CEMIP: variants seen among roughly 807,000 people sequenced by gnomAD.
The protein encoded by CEMIP is cell migration inducing hyaluronidase 1, also known as cell migration-inducing and hyaluronan-binding protein.
In CEMIP, 105 loss-of-function variants were observed where a neutral mutation model predicts 156.9. The observed-to-expected ratio is 0.67, with a 90% CI of 0.57 to 0.79. The LOEUF (loss-of-function observed/expected upper bound fraction) is 0.79. CEMIP is among the 30% of genes least tolerant of loss of function. The pLI, the probability that CEMIP is intolerant of heterozygous loss-of-function variation, is 0.00. For synonymous variants in CEMIP, 676 were observed against 668.4 expected (o/e 1.01, Z -0.17); for missense variants, 1,457 against 1,769.4 (o/e 0.82, Z 3.17).
At chr15:80,869,108 C>T (rs181994323) in intron 1 of CEMIP, among the ~76,000 whole-genome samples, 110 of 152,272 alleles carry the variant, frequency 7.2e-4, no homozygotes, top group Non-Finnish European at 1.1e-3. Context: ...TTGAAGGTGG[C>T]TGTCTTCTCC....
chr15:80,887,133 A>T (rs1057443012), intron 7 of CEMIP, among the ~76,000 whole-genome samples: 2 of 152,144 alleles, frequency 1.3e-5, no homozygotes, highest in Admixed American at 6.5e-5. Context: ...GGAATGATGG[A>T]TGTACAATTT....
rs757315432 is a variant in CEMIP at position 80,922,087 on chromosome 15, C to T, written c.2152C>T (p.His718Tyr). ...VGMYSPGYSE[H>Y]IPLGKFYNNR... ...AATGTACTCCCCAGGTTATTCAGAG[C>T]ACATTCCACTGGGAAAATTCTATAA... Residue 718 changes from histidine (H) to tyrosine (Y), a missense_variant, in exon 17 of 30, where the codon CAC (histidine) becomes TAC (tyrosine). Physicochemically the swap from His to Tyr is moderately conservative, Grantham distance 83. This residue lies in a region of CEMIP where 798 missense variants were observed against 980.1 expected (regional missense o/e 0.81). Transcript: ENST00000394685. 12 of 1,614,086 alleles carry T rather than the reference C, an allele frequency of 7.4e-6. No homozygotes were observed. Among genetic ancestry groups the T allele is most frequent in the Non-Finnish European group, 9.3e-6 (11 of 1,180,002 alleles).
Position 80,948,835 on chromosome 15 carries a change from C to T in CEMIP, c.3997C>T (p.Pro1333Ser). ...CGTTGGCTTCAAAGGCAGCTTCCGGCCCATCTGGGTGACACTGGACACTGA... is the reference window on the plus strand; with the variant it reads ...CGTTGGCTTCAAAGGCAGCTTCCGGTCCATCTGGGTGACACTGGACACTGA... Reference protein sequence around the residue: ...AFVGFKGSFRPIWVTLDTEDH... With the variant: ...AFVGFKGSFRSIWVTLDTEDH... The change falls in exon 30 of 30, where the codon CCC becomes TCC. Residue 1333 changes from proline to serine, a missense_variant. Transcript: ENST00000394685. 3.7e-6 allele frequency: 6 copies of T among 1,614,216 alleles called. No homozygotes were observed. The highest frequency in any genetic ancestry group is 5.1e-6 in the Non-Finnish European group (6 of 1,180,034).
At chr15:80,937,725 A>C (rs1246447170) in intron 24 of CEMIP, 69 bp from the exon 25 acceptor site, 1 of 1,484,762 alleles carries the variant, frequency 6.7e-7, no homozygotes, top group Non-Finnish European at 9.4e-7. Flanking sequence ...CTCTTTCTCC[A>C]AGGCATGCTC....
intron 1 of CEMIP, among the ~76,000 whole-genome samples, chr15:80,784,225 G>T (rs1419265466): frequency 6.6e-6 from 1 of 152,234 alleles, no homozygotes; most frequent in Non-Finnish European, 1.5e-5. Flanking sequence ...TGAAAGCCCT[G>T]TGAATTTCTT....
chr15:80,830,636 A>G (rs1325428872), intron 1 of CEMIP, among the ~76,000 whole-genome samples: 2 of 151,006 alleles, frequency 1.3e-5, no homozygotes, highest in Admixed American at 6.6e-5. Flanking sequence ...TTTTAAGGTG[A>G]CTCCCTGCAT....
At chr15:80,839,538 T>A (rs2037002542) in intron 1 of CEMIP, among the ~76,000 whole-genome samples, 1 of 152,118 alleles carries the variant, frequency 6.6e-6, no homozygotes, top group Non-Finnish European at 1.5e-5. Flanking sequence ...CCTCCTGGCC[T>A]TCCTCACAGC....
intron 8 of CEMIP, among the ~76,000 whole-genome samples, chr15:80,888,248 T>G (rs965105325): frequency 3.3e-5 from 5 of 151,482 alleles, no homozygotes; most frequent in African/African-American, 1.2e-4. Flanking sequence ...GGTGGGCACC[T>G]GTAGTCCCAG....
At chr15:80,866,773 C>G (rs534453416) in intron 1 of CEMIP, among the ~76,000 whole-genome samples, 2 of 129,256 alleles carry the variant, frequency 1.5e-5, no homozygotes, top group Admixed American at 8.7e-5. Context: ...GCAACAAGAA[C>G]AAAACTCTGT....
chr15:80,793,181 T>G (rs1490666017), intron 1 of CEMIP, among the ~76,000 whole-genome samples: 1 of 152,184 alleles, frequency 6.6e-6, no homozygotes, highest in Non-Finnish European at 1.5e-5. Flanking sequence ...TAGTGAAATT[T>G]GAAGGGCACA....
In CEMIP at chr15:80,875,545, C is replaced by T. The variant is rs116789487; in HGVS notation, c.94+1572C>T. On this transcript the variant is annotated intron_variant, in intron 3 of 29. Transcript: ENST00000394685. Reference sequence around the variant, plus strand: ...AGGTACTTCCCTTGATTATTTCTTCCCGCATCCTGGCACCTCTCTTGCTGT... The same window carrying T: ...AGGTACTTCCCTTGATTATTTCTTCTCGCATCCTGGCACCTCTCTTGCTGT... Among the ~76,000 whole-genome samples the T allele has an allele frequency of 4.5e-3, 688 of 152,254 alleles. 6 individuals carry two copies. Among genetic ancestry groups the T allele is most frequent in the African/African-American group, 0.016 (656 of 41,538 alleles).
intron 15 of CEMIP, 46 bp from the exon 16 acceptor site, chr15:80,920,986 C>G: frequency 4.5e-6 from 7 of 1,552,990 alleles, no homozygotes; most frequent in African/African-American, 1.4e-5. Flanking sequence ...AGGATGACCC[C>G]TGGCGGCCCT....
intron 1 of CEMIP, among the ~76,000 whole-genome samples, chr15:80,872,091 C>T (rs1898313567): frequency 6.6e-6 from 1 of 152,214 alleles, no homozygotes; most frequent in Non-Finnish European, 1.5e-5. Flanking sequence ...AGTCCCCTTG[C>T]CTGTCCCACC....
At chr15:80,896,709 T>C (rs1899238667) in intron 12 of CEMIP, among the ~76,000 whole-genome samples, 2 of 152,252 alleles carry the variant, frequency 1.3e-5, no homozygotes, top group Admixed American at 6.5e-5. Flanking sequence ...TCAATTATTC[T>C]TAGTAGGGGG....
chr15:80,926,817 G>T (rs1455956990), intron 19 of CEMIP, among the ~76,000 whole-genome samples: 1 of 124,810 alleles, frequency 8.0e-6, no homozygotes, highest in Non-Finnish European at 1.5e-5. Flanking sequence ...AGACTGAGCG[G>T]GTGGGGGGGG....
chr15:80,895,760 G>C, intron 11 of CEMIP, 109 bp from the exon 12 acceptor site: 1 of 1,005,452 alleles, frequency 9.9e-7, no homozygotes, highest in Non-Finnish European at 1.5e-6. Context: ...GTTTTGGATA[G>C]GCAAACCTGG....
intron 1 of CEMIP, among the ~76,000 whole-genome samples, chr15:80,815,362 G>A (rs929018928): frequency 1.3e-5 from 2 of 152,256 alleles, no homozygotes; most frequent in African/African-American, 4.8e-5. Context: ...GAGACATTGG[G>A]AAAGGCATTT....
chr15:80,843,603 G>A (rs2141714739), intron 1 of CEMIP, among the ~76,000 whole-genome samples: 1 of 152,354 alleles, frequency 6.6e-6, no homozygotes, highest in Non-Finnish European at 1.5e-5. Flanking sequence ...CTTTGTGCCA[G>A]GCCAGGTGGC....
chr15:80,889,386 C>T, intron 9 of CEMIP, 85 bp from the exon 10 acceptor site: 7 of 1,585,764 alleles, frequency 4.4e-6, no homozygotes, highest in Middle Eastern at 3.4e-4. Context: ...TCCCATGGTG[C>T]TGAGGATGCT....
Sources: gnomAD v4.1 joint callset for allele counts (sites outside exome capture counted in the v4.1 genomes callset) on GRCh38, gnomAD v4.1.1 for gene constraint, gnomAD v4.1.1 regional missense constraint, MANE v1.5 for transcripts, NCBI Gene and HGNC (gene_info 2026-07-23, HGNC 2026-07-21) for gene names.